The following GOLGA7B variants were observed in gnomAD, a reference collection of about 807,000 sequenced individuals.
The protein encoded by GOLGA7B is golgin subfamily A member 7B.
A neutral mutation model predicts 21.5 loss-of-function variants in GOLGA7B; 17 were observed. The ratio of observed to expected loss-of-function variants is 0.79; its 90% CI spans 0.54 to 1.19. GOLGA7B has a LOEUF of 1.19. Among genes scored for constraint, GOLGA7B ranks in the 50% most tolerant of loss-of-function variants. The pLI is 0.00. For missense variants in GOLGA7B, 169 were observed against 224.4 expected (o/e 0.75, Z 1.58); for synonymous variants, 87 against 84.0 (o/e 1.04, Z -0.19).
In GOLGA7B at chr10:97,869,703, C is replaced by A. The variant is rs2050070342; in HGVS notation, c.*4003C>A. 6.6e-6 allele frequency: 1 copy of A among 152,310 alleles called. No individual in the cohort carries two copies. The highest frequency in any genetic ancestry group is 2.4e-5 in the African/African-American group (1 of 41,468). 9.4% of individuals were successfully genotyped at this position (152,310 alleles called of 1,614,324 possible). On this transcript the variant is annotated 3_prime_UTR_variant, in exon 5 of 5. Coordinates refer to ENST00000370602, the MANE Select transcript of GOLGA7B (RefSeq NM_001010917.3). ...AAGAACTATGGCTGTTGTGACACGTCCCCCACGGCTCCCCGGTTGGCAGCC... is the reference window on the plus strand; with the variant it reads ...AAGAACTATGGCTGTTGTGACACGTACCCCACGGCTCCCCGGTTGGCAGCC...
At chr10:97,851,621 T>C (rs1590157609) in intron 1 of GOLGA7B, among the ~76,000 whole-genome samples, 1 of 151,934 alleles carries the variant, frequency 6.6e-6, no homozygotes, top group East Asian at 1.9e-4. Context: ...AACCAAGGAG[T>C]TGGTTACCTT....
In GOLGA7B at chr10:97,865,847, T is replaced by A; in HGVS notation, c.*147T>A. On this transcript the variant is annotated 3_prime_UTR_variant, in exon 5 of 5. Coordinates refer to ENST00000370602, the MANE Select transcript of GOLGA7B (RefSeq NM_001010917.3). ...GTGGGAGGGAGGGTGACGGGCCTCA[T>A]ATTTCCTGTGGGCCATCAACCTATG... 1 of 1,276,814 alleles carries A rather than the reference T, an allele frequency of 7.8e-7. No individual in the cohort carries two copies. The highest frequency in any genetic ancestry group is 1.5e-5 in the South Asian group (1 of 64,818). The allele number at this position is 1,276,814 out of a possible 1,614,324, so 79.1% of individuals were successfully genotyped here. A position where few individuals can be genotyped will look rare whatever the true frequency, so the allele number is the denominator to read the frequency against.
At chr10:97,858,884 G>A (rs891047170) in intron 1 of GOLGA7B, among the ~76,000 whole-genome samples, 2 of 152,230 alleles carry the variant, frequency 1.3e-5, no homozygotes, top group East Asian at 1.9e-4. Context: ...GCTCCACTTG[G>A]CAGGACTGGA....
intron 1 of GOLGA7B, among the ~76,000 whole-genome samples, chr10:97,852,392 C>T (rs1002248116): frequency 9.9e-5 from 15 of 151,908 alleles, no homozygotes; most frequent in African/African-American, 3.4e-4. Flanking sequence ...GAGGAAAGTC[C>T]CGGAGTGATG....
rs2050044082 is a variant in GOLGA7B at position 97,867,634 on chromosome 10, G to A, written c.*1934G>A. The A allele has an allele frequency of 6.6e-6, 1 of 152,266 alleles. No homozygotes were observed. Among genetic ancestry groups the A allele is most frequent in the Admixed American group, 6.5e-5 (1 of 15,284 alleles). The allele number at this position is 152,266 out of a possible 1,614,324, so 9.4% of individuals were successfully genotyped here. A position where few individuals can be genotyped will look rare whatever the true frequency, so the allele number is the denominator to read the frequency against. On this transcript the variant is annotated 3_prime_UTR_variant, in exon 5 of 5. Transcript: ENST00000370602. The stretch of plus-strand genomic sequence containing the variant: ...GCCTATGCCCTCCCTGGGCCCCTGT[G>A]GGGCTGGGCATTGTGTCTGACCTGT...
At chr10:97,859,037 T>C (rs774480157) in intron 1 of GOLGA7B, among the ~76,000 whole-genome samples, 2 of 152,222 alleles carry the variant, frequency 1.3e-5, no homozygotes, top group Admixed American at 6.5e-5. Context: ...AGACTCAACT[T>C]TGGCCCTGCT....
In GOLGA7B at chr10:97,856,835, G is replaced by T. The variant is rs192490675; in HGVS notation, c.13-2623G>T. Among the ~76,000 whole-genome samples, 10 of 152,220 alleles carry T rather than the reference G, an allele frequency of 6.6e-5. 1 individual carries two copies. The highest frequency in any genetic ancestry group is 1.9e-4 in the East Asian group (1 of 5,184). ...TTGCATTTCTCTGATGCTTATTGAT[G>T]TTGATCATTTTTCATGCGTTTATTG... On this transcript the variant is annotated intron_variant, in intron 1 of 4. Coordinates refer to ENST00000370602, the MANE Select transcript of GOLGA7B (RefSeq NM_001010917.3).
rs1439384129 is a variant in GOLGA7B, at chr10:97,866,116, A to G, written c.*416A>G. ...CCCTCATCCCAAACCCATATCCACCAGGACTCTTTCCCTTGGGCCCTGCGT... is the reference window on the plus strand; with the variant it reads ...CCCTCATCCCAAACCCATATCCACCGGGACTCTTTCCCTTGGGCCCTGCGT... On this transcript the variant is annotated 3_prime_UTR_variant, in exon 5 of 5. Transcript: ENST00000370602. The G allele has an allele frequency of 1.7e-5, 3 of 175,164 alleles. No homozygotes were observed. Among genetic ancestry groups the G allele is most frequent in the Non-Finnish European group, 3.6e-5 (3 of 83,450 alleles). The allele number at this position is 175,164 out of a possible 1,614,324, so 10.9% of individuals were successfully genotyped here. A position where few individuals can be genotyped will look rare whatever the true frequency, so the allele number is the denominator to read the frequency against.
chr10:97,867,622 C>T lies in GOLGA7B; in HGVS notation c.*1922C>T, dbSNP rs1241689786. The T allele has an allele frequency of 6.6e-6, 1 of 152,346 alleles. No homozygotes were observed. The highest frequency in any genetic ancestry group is 2.4e-5 in the African/African-American group (1 of 41,464). The allele number at this position is 152,346 out of a possible 1,614,324, so 9.4% of individuals were successfully genotyped here. On this transcript the variant is annotated 3_prime_UTR_variant, in exon 5 of 5. Transcript: ENST00000370602. ...CCCCTGGCCACGGCCTATGCCCTCCCTGGGCCCCTGTGGGGCTGGGCATTG... is the reference window on the plus strand; with the variant it reads ...CCCCTGGCCACGGCCTATGCCCTCCTTGGGCCCCTGTGGGGCTGGGCATTG...
rs115650944 is a variant in GOLGA7B at position 97,865,959 on chromosome 10, G to C, written c.*259G>C. ...CGATGGGGCTGGTCTGGGCCACACA[G>C]AGACAGATCTTCCTAGGAAGGCTGG... is the stretch of plus-strand genomic sequence containing the variant. On this transcript the variant is annotated 3_prime_UTR_variant, in exon 5 of 5. Transcript: ENST00000370602. 1,632 of 503,190 alleles carry C rather than the reference G, an allele frequency of 3.2e-3. 29 individuals are homozygous for C. Among genetic ancestry groups the C allele is most frequent in the African/African-American group, 0.026 (1,333 of 52,180 alleles). 31.2% of individuals were successfully genotyped at this position (503,190 alleles called of 1,614,324 possible).
At chr10:97,857,362 G>GACACACACACACACACAC (rs60908270) in intron 1 of GOLGA7B, among the ~76,000 whole-genome samples, 3 of 135,446 alleles carry the variant, frequency 2.2e-5, no homozygotes, top group African/African-American at 8.4e-5. Context: ...ACAATAGCCA[G>GACACACACACACACACAC]ACACACACAC....
rs181359265 is a variant in GOLGA7B, at chr10:97,861,075, T to C, written c.138+1492T>C. On this transcript the variant is annotated intron_variant, in intron 2 of 4. Transcript: ENST00000370602. ...ACAATACCTGGGAGCTTGATAGAAA[T>C]GCAGAATCTCAGCTCCCTCCCTGGA... is the stretch of plus-strand genomic sequence containing the variant. 6.8e-4 allele frequency among the ~76,000 whole-genome samples: 103 copies of C among 152,346 alleles called. No individual in the cohort carries two copies. The East Asian group carries it at 0.016, about 24-fold the overall frequency.
chr10:97,852,816 G>A (rs34233771), intron 1 of GOLGA7B, among the ~76,000 whole-genome samples: 1,899 of 152,206 alleles, frequency 0.012, 13 homozygotes, highest in Non-Finnish European at 0.02. Context: ...TAGCATTAGG[G>A]GAGAGGTGTC....
rs2050045572 is a variant in GOLGA7B at position 97,867,741 on chromosome 10, AG to A, written c.*2042del. 1 of 150,526 alleles carries A rather than the reference AG, an allele frequency of 6.6e-6. No homozygotes were observed. The highest frequency in any genetic ancestry group is 1.5e-5 in the Non-Finnish European group (1 of 67,788). 9.3% of individuals were successfully genotyped at this position (150,526 alleles called of 1,614,324 possible). On this transcript the variant is annotated 3_prime_UTR_variant, in exon 5 of 5. Coordinates refer to ENST00000370602, the MANE Select transcript of GOLGA7B (RefSeq NM_001010917.3). ...CTTTTTCCAATAAAAGAACTTGCCC[AG>A]CGTGAAGCTCTGTGATGCTTTCTCT...
intron 2 of GOLGA7B, among the ~76,000 whole-genome samples, chr10:97,861,092 C>T (rs1274007690): frequency 1.3e-5 from 2 of 152,210 alleles, no homozygotes; most frequent in African/African-American, 4.8e-5. Context: ...TCTCAGCTCC[C>T]TCCCTGGATC....
At chr10:97,858,564 A>G (rs2049950621) in intron 1 of GOLGA7B, among the ~76,000 whole-genome samples, 1 of 152,134 alleles carries the variant, frequency 6.6e-6, no homozygotes, top group Non-Finnish European at 1.5e-5. Context: ...CCCCTCAAAC[A>G]CTAGAGTCTG....
chr10:97,861,527 C>T (rs1355647209), intron 2 of GOLGA7B, among the ~76,000 whole-genome samples: 1 of 152,244 alleles, frequency 6.6e-6, no homozygotes, highest in Admixed American at 6.5e-5. Context: ...TGCCTCTAGA[C>T]TCAGCTAGTT....
chr10:97,857,185 C>T (rs550844796), intron 1 of GOLGA7B, among the ~76,000 whole-genome samples: 67 of 152,176 alleles, frequency 4.4e-4, no homozygotes, highest in African/African-American at 1.5e-3. Flanking sequence ...CCTAGGTTTT[C>T]GTCTAGAATT....
chr10:97,864,736 G>A (rs1043308066), intron 4 of GOLGA7B, among the ~76,000 whole-genome samples: 9 of 152,206 alleles, frequency 5.9e-5, no homozygotes, highest in East Asian at 1.9e-4. Context: ...GGAATCTCCC[G>A]TGGCAGGTCG....
Sources: gnomAD v4.1 joint callset for allele counts (sites outside exome capture counted in the v4.1 genomes callset) on GRCh38, gnomAD v4.1.1 for gene constraint, MANE v1.5 for transcripts, NCBI Gene and HGNC (gene_info 2026-07-23, HGNC 2026-07-21) for gene names.